The following RNF185 variants were observed in gnomAD, a reference collection of about 807,000 sequenced individuals.
RNF185 encodes the protein ring finger protein 185, also known as E3 ubiquitin-protein ligase RNF185.
Under a neutral mutation model 24.9 loss-of-function variants are expected in RNF185, and 13 were observed. That is an observed-to-expected ratio of 0.52 (90% CI 0.34 to 0.83). The LOEUF is 0.83. RNF185 is among the 40% of genes least tolerant of loss of function. The probability of loss-of-function intolerance (pLI) is 0.01; values close to 1 mark genes in which losing one functional copy is unlikely to be tolerated. For synonymous variants in RNF185, 79 were observed against 90.3 expected (o/e 0.88, Z 0.71); for missense variants, 184 against 244.7 (o/e 0.75, Z 1.65).
chr22:31,195,454 CT>C lies in RNF185; in HGVS notation c.196-14del. On this transcript the variant is annotated splice_polypyrimidine_tract_variant and intron_variant, in intron 3 of 6. Transcript: ENST00000326132. ...TCTTGGGCCATCCACATGCATTTTT[CT>C]CTCCTGTTTGCAGTGGTTGGAGACC... The C allele has an allele frequency of 6.4e-6, 10 of 1,574,030 alleles. No homozygotes were observed. The highest frequency in any genetic ancestry group is 1.4e-5 in the African/African-American group (1 of 73,934).
intron 6 of RNF185, among the ~76,000 whole-genome samples, chr22:31,202,262 G>A (rs2048270350): frequency 6.6e-6 from 1 of 152,126 alleles, no homozygotes; most frequent in African/African-American, 2.4e-5. Flanking sequence ...TGAGGTGGGT[G>A]CCTTGAACTC....
intron 1 of RNF185, among the ~76,000 whole-genome samples, chr22:31,184,537 C>T (rs914230556): frequency 6.6e-6 from 1 of 152,188 alleles, no homozygotes; most frequent in Non-Finnish European, 1.5e-5. Context: ...AGGCTGCAAT[C>T]TCGGCACTTT....
At chr22:31,186,892 G>A (rs955701797) in intron 1 of RNF185, among the ~76,000 whole-genome samples, 155 bp from the exon 2 acceptor site, 6 of 152,180 alleles carry the variant, frequency 3.9e-5, no homozygotes, top group African/African-American at 1.2e-4. Flanking sequence ...TTTGGGTAGT[G>A]CCCTACAACT....
At chr22:31,202,620 T>C (rs2048273821) in intron 6 of RNF185, among the ~76,000 whole-genome samples, 1 of 144,550 alleles carries the variant, frequency 6.9e-6, no homozygotes, top group Non-Finnish European at 1.5e-5. Context: ...TTTTTTTTTT[T>C]TTTTTTTTTT....
In RNF185 at chr22:31,205,509, G is replaced by A. The variant is rs1238596845; in HGVS notation, c.*923G>A. On this transcript the variant is annotated 3_prime_UTR_variant, in exon 7 of 7. Transcript: ENST00000326132. ...CTGAACAAGCAGCCCTGTCCCCTAGGCTGCAGAAGCTTGAATGCATCCTCT... is the reference window on the plus strand; with the variant it reads ...CTGAACAAGCAGCCCTGTCCCCTAGACTGCAGAAGCTTGAATGCATCCTCT... 1 of 152,240 alleles carries A rather than the reference G, an allele frequency of 6.6e-6. No homozygotes were observed. The highest frequency in any genetic ancestry group is 1.5e-5 in the Non-Finnish European group (1 of 68,034). 9.4% of individuals were successfully genotyped at this position (152,240 alleles called of 1,614,324 possible).
At chr22:31,180,013 G>A (rs965279076) in intron 1 of RNF185, among the ~76,000 whole-genome samples, 5 of 151,342 alleles carry the variant, frequency 3.3e-5, no homozygotes, top group Admixed American at 2.0e-4. Context: ...GAGATCTACC[G>A]TGGCCATATG....
At chr22:31,168,501 A>G (rs79618726) in intron 1 of RNF185, among the ~76,000 whole-genome samples, 11,155 of 152,304 alleles carry the variant, frequency 0.073, 474 homozygotes, top group Admixed American at 0.16. Flanking sequence ...TGTTTCAGCT[A>G]TTGTGAATAC....
chr22:31,166,603 T>C (rs990655513), intron 1 of RNF185, among the ~76,000 whole-genome samples: 50 of 141,706 alleles, frequency 3.5e-4, no homozygotes, highest in Non-Finnish European at 6.3e-4. Context: ...TCCCCTTCCC[T>C]TCCCCTCCTC....
chr22:31,183,809 G>A (rs1193881034), intron 1 of RNF185, among the ~76,000 whole-genome samples: 4 of 152,194 alleles, frequency 2.6e-5, no homozygotes, highest in Non-Finnish European at 4.4e-5. Flanking sequence ...ATAACAATCT[G>A]ATCTCTCTTT....
intron 1 of RNF185, among the ~76,000 whole-genome samples, chr22:31,163,871 A>C (rs755696345): frequency 1.3e-5 from 2 of 151,712 alleles, no homozygotes; most frequent in Non-Finnish European, 2.9e-5. Flanking sequence ...ACGGGGTTTC[A>C]CCATGTTGGC....
rs1264379206 is a variant in RNF185 at position 31,187,038 on chromosome 22, G to T, written c.-48-9G>T. 2.6e-6 allele frequency: 4 copies of T among 1,552,526 alleles called. No individual in the cohort carries two copies. Among genetic ancestry groups the T allele is most frequent in the Non-Finnish European group, 3.5e-6 (4 of 1,149,788 alleles). ...AGAAATGGACAGTCAAGAGTTCTCT[G>T]CCTTTTAGGATTTCCCTGGGGAAAG... On this transcript the variant is annotated splice_polypyrimidine_tract_variant and intron_variant, in intron 1 of 6. Transcript: ENST00000326132.
chr22:31,170,410 C>T (rs1391946125), intron 1 of RNF185, among the ~76,000 whole-genome samples: 2 of 152,040 alleles, frequency 1.3e-5, no homozygotes, highest in South Asian at 2.1e-4. Context: ...CAGATGGTCT[C>T]GATCTCCTTA....
Position 31,187,123 on chromosome 22 carries a change from C to T in RNF185, c.29C>T (p.Ala10Val), listed in dbSNP as rs781451801. ...GCAAGCAAGGGGCCCTCGGCCTCTG[C>T]ATCTCCTGAGAACTCCAGTGCAGGG... Reference protein sequence around the residue: MASKGPSASASPENSSAGGP... With the variant: MASKGPSASVSPENSSAGGP... The change falls in exon 2 of 7, where the codon GCA becomes GTA. Residue 10 changes from alanine to valine, a missense_variant. By Grantham distance (64) the Ala-to-Val change is moderately conservative (BLOSUM62 0). Coordinates refer to ENST00000326132, the MANE Select transcript of RNF185 (RefSeq NM_152267.4). 3.7e-6 allele frequency: 6 copies of T among 1,610,520 alleles called. No homozygotes were observed. In the Admixed American group the frequency reaches 8.4e-5, roughly 23 times the overall value.
chr22:31,183,559 T>C (rs1408674491), intron 1 of RNF185, among the ~76,000 whole-genome samples: 1 of 151,946 alleles, frequency 6.6e-6, no homozygotes, highest in Non-Finnish European at 1.5e-5. Context: ...TGTCCCTGGG[T>C]AGTTGAGATT....
intron 1 of RNF185, among the ~76,000 whole-genome samples, chr22:31,184,527 A>T (rs910713892): frequency 2.6e-5 from 4 of 152,288 alleles, no homozygotes; most frequent in African/African-American, 9.6e-5. Context: ...GGCCGGGCAG[A>T]GGCTGCAATC....
intron 1 of RNF185, among the ~76,000 whole-genome samples, chr22:31,172,734 G>A (rs557307279): frequency 3.1e-5 from 4 of 126,986 alleles, no homozygotes; most frequent in African/African-American, 9.4e-5. Flanking sequence ...GAGCAACAGA[G>A]TGAGACCCCG....
At chr22:31,197,651 G>A (rs1601376040) in intron 5 of RNF185, among the ~76,000 whole-genome samples, 1 of 152,206 alleles carries the variant, frequency 6.6e-6, no homozygotes, top group South Asian at 2.1e-4. Flanking sequence ...GACCTCCTGG[G>A]CTCAGTCTAC....
rs1026876476 is a variant in RNF185, at chr22:31,163,541, T to G, written c.-49+3238T>G. Among the ~76,000 whole-genome samples, 6 of 152,234 alleles carry G rather than the reference T, an allele frequency of 3.9e-5. 1 individual carries two copies. In the East Asian group the frequency reaches 5.8e-4, roughly 15 times the overall value. ...TGAGGTCTCACTATGTTGCCCAGGC[T>G]GGTCTCAAATCTCCGAGCTCAAATG... On this transcript the variant is annotated intron_variant, in intron 1 of 6. Coordinates refer to ENST00000326132, the MANE Select transcript of RNF185 (RefSeq NM_152267.4).
rs1349837478 is a variant in RNF185, at chr22:31,206,540, A to T, written c.*1954A>T. The stretch of plus-strand genomic sequence containing the variant: ...CTCAACAGAAATGGGTTTCCAGAAG[A>T]ATAATGAAAAGTTGTGGGTAGGAAA... On this transcript the variant is annotated 3_prime_UTR_variant, in exon 7 of 7. Coordinates refer to ENST00000326132, the MANE Select transcript of RNF185 (RefSeq NM_152267.4). 6.6e-6 allele frequency: 1 copy of T among 152,224 alleles called. No homozygotes were observed. Among genetic ancestry groups the T allele is most frequent in the Non-Finnish European group, 1.5e-5 (1 of 68,042 alleles). The allele number at this position is 152,224 out of a possible 1,614,324, so 9.4% of individuals were successfully genotyped here.
Sources: gnomAD v4.1 joint callset for allele counts (sites outside exome capture counted in the v4.1 genomes callset) on GRCh38, gnomAD v4.1.1 for gene constraint, MANE v1.5 for transcripts, NCBI Gene and HGNC (gene_info 2026-07-23, HGNC 2026-07-21) for gene names.